Variants in RASGRF1 observed in about 807,000 individuals in gnomAD.
RASGRF1 encodes Ras protein specific guanine nucleotide releasing factor 1.
RASGRF1 carries 40 observed loss-of-function variants against 138.7 expected under a neutral mutation model. That is an observed-to-expected ratio of 0.29 (90% CI 0.22 to 0.38). RASGRF1 has a LOEUF of 0.38. Among genes scored for constraint, RASGRF1 ranks in the 10% least tolerant of loss-of-function variants. The probability of loss-of-function intolerance (pLI) is 1.00; values close to 1 mark genes in which losing one functional copy is unlikely to be tolerated. For synonymous variants in RASGRF1, 614 were observed against 663.2 expected (o/e 0.93, Z 1.14); for missense variants, 1,108 against 1,650.4 (o/e 0.67, Z 5.69).
Position 78,995,723 on chromosome 15 carries a change from G to A in RASGRF1, c.3027+17C>T. 6.2e-7 allele frequency: 1 copy of A among 1,614,102 alleles called. No individual in the cohort carries two copies. The highest frequency in any genetic ancestry group is 8.5e-7 in the Non-Finnish European group (1 of 1,179,980). On this transcript the variant is annotated intron_variant, in intron 20 of 26. Coordinates refer to ENST00000558480, the MANE Select transcript of RASGRF1 (RefSeq NM_001145648.3). ...GGGAGGAAAGCCTTGGAAAGCAAGA[G>A]GGCAGGCCCAGCTCACCATCTGCGT...
At chr15:79,016,992 T>A (rs1301078621) in intron 12 of RASGRF1, among the ~76,000 whole-genome samples, 1 of 152,162 alleles carries the variant, frequency 6.6e-6, no homozygotes, top group East Asian at 1.9e-4. Flanking sequence ...TGGCCAAGGC[T>A]CCCAGCTGCT....
Position 79,064,439 on chromosome 15 carries a change from C to T in RASGRF1, c.364G>A (p.Ala122Thr), listed in dbSNP as rs997058531. Reference protein sequence around the residue: ...EDAKDCDEWVAAIAHASYRTL... With the variant: ...EDAKDCDEWVTAIAHASYRTL... ...ACATACCTGGCATGTGCAATGGCTG[C>T]CACCCATTCGTCACAATCTTTTGCG... The change falls in exon 2 of 27, where the codon GCA becomes ACA. Residue 122 changes from alanine to threonine, a missense_variant. This residue lies in a region of RASGRF1 where 253 missense variants were observed against 329.5 expected (regional missense o/e 0.77). Transcript: ENST00000558480. 6.2e-6 allele frequency: 10 copies of T among 1,613,956 alleles called. No individual in the cohort carries two copies. The highest frequency in any genetic ancestry group is 3.3e-5 in the Admixed American group (2 of 60,012).
chr15:79,010,077 C>T lies in RASGRF1; in HGVS notation c.1827-3643G>A, dbSNP rs150668899. ...TGAGACAGAGTCTCACCCACTCTGTCGCCCAGTCTGGAGGGCAGTGGCGCA... is the reference window on the plus strand; with the variant it reads ...TGAGACAGAGTCTCACCCACTCTGTTGCCCAGTCTGGAGGGCAGTGGCGCA... On this transcript the variant is annotated intron_variant, in intron 13 of 26. Transcript: ENST00000558480. Among the ~76,000 whole-genome samples the T allele has an allele frequency of 2.7e-3, 398 of 147,116 alleles. 3 individuals carry two copies. Among genetic ancestry groups the T allele is most frequent in the African/African-American group, 9.6e-3 (381 of 39,870 alleles).
rs570077433 is a variant in RASGRF1 at position 79,003,968 on chromosome 15, G to A, written c.2283C>T (p.Cys761=). The A allele has an allele frequency of 1.3e-4, 203 of 1,614,204 alleles. 3 individuals are homozygous for A. In the South Asian group the frequency reaches 2.1e-3, roughly 17 times the overall value. Residue 761 remains cysteine, a synonymous_variant, in exon 15 of 27, where the codon TGC becomes TGT. Coordinates refer to ENST00000558480, the MANE Select transcript of RASGRF1 (RefSeq NM_001145648.3). ...ACATGCTGGTGTAGCCATTGGAGTTGCAGCTGAGGGCGGCCAGGTCCAGGG... is the reference window on the plus strand; with the variant it reads ...ACATGCTGGTGTAGCCATTGGAGTTACAGCTGAGGGCGGCCAGGTCCAGGG... ...GKALDLAALS[C]NSNGYTSMYS...
chr15:79,007,693 A>C (rs1420636965), intron 13 of RASGRF1, among the ~76,000 whole-genome samples: 1 of 151,700 alleles, frequency 6.6e-6, no homozygotes, highest in Non-Finnish European at 1.5e-5. Context: ...CTGGGATTAC[A>C]GGTACATGCC....
At chr15:79,037,408 AC>A (rs1324708433) in intron 5 of RASGRF1, among the ~76,000 whole-genome samples, 1 of 152,018 alleles carries the variant, frequency 6.6e-6, no homozygotes, top group African/African-American at 2.4e-5. Flanking sequence ...TGGTTTCAGG[AC>A]GATTCAAGTG....
rs140481329 is a variant in RASGRF1, at chr15:79,012,579, G to T, written c.1826+2748C>A. 8.0e-5 allele frequency: 129 copies of T among 1,611,750 alleles called. No homozygotes were observed. The African/African-American group carries it at 1.6e-3, about 20-fold the overall frequency. The stretch of plus-strand genomic sequence containing the variant: ...GGTAAGCAGATGGGTCCTTGAAGTT[G>T]TAAGTTTAATCTGGACATTCCATTC... On this transcript the variant is annotated intron_variant, in intron 13 of 26. Transcript: ENST00000558480.
chr15:79,065,089 T>C (rs1434159085), intron 1 of RASGRF1, among the ~76,000 whole-genome samples: 1 of 152,124 alleles, frequency 6.6e-6, no homozygotes, highest in Non-Finnish European at 1.5e-5. Flanking sequence ...AGCCAGACAA[T>C]AGACACCCAT....
rs537781684 is a variant in RASGRF1, at chr15:79,027,920, G to C, written c.1263-61C>G. On this transcript the variant is annotated intron_variant, in intron 8 of 26. Coordinates refer to ENST00000558480, the MANE Select transcript of RASGRF1 (RefSeq NM_001145648.3). This position sits in a 1 kb window ranked among gnomAD's most constrained non-coding sequence, Gnocchi z 4.8. ...CTGCCCCTACTTCCCAGGGAGGCGA[G>C]AATGCCAGGCTTCTGGCCAGACCTA... 3.9e-6 allele frequency: 6 copies of C among 1,546,050 alleles called. No homozygotes were observed. The highest frequency in any genetic ancestry group is 5.4e-6 in the Non-Finnish European group (6 of 1,120,208).
chr15:78,992,398 C>T (rs1392139140), intron 20 of RASGRF1, among the ~76,000 whole-genome samples: 3 of 152,196 alleles, frequency 2.0e-5, no homozygotes, highest in Non-Finnish European at 4.4e-5. Context: ...TATTTGGGCC[C>T]TTCGACCAGA....
intron 1 of RASGRF1, among the ~76,000 whole-genome samples, chr15:79,083,329 C>T (rs1366309684): frequency 6.6e-6 from 1 of 152,230 alleles, no homozygotes; most frequent in Non-Finnish European, 1.5e-5. Flanking sequence ...TGTTCTGGAC[C>T]TCTCTCAAGT....
In RASGRF1 at chr15:78,999,790, C is replaced by T; in HGVS notation, c.2699G>A (p.Gly900Asp). The change falls in exon 17 of 27, where the codon GGC becomes GAC. Residue 900 changes from glycine to aspartate, a missense_variant. This residue lies in a region of RASGRF1 where 686 missense variants were observed against 976.7 expected (regional missense o/e 0.70). Transcript: ENST00000558480. The stretch of plus-strand genomic sequence containing the variant: ...CCGGTACTTCTCCTTGTTTGGGGTG[C>T]CCTCGTTGGCCCCGGCGGTTGCTAT... ...FAIATAGANEGTPNKEKYRRM... is the reference protein window; with the variant it reads ...FAIATAGANEDTPNKEKYRRM... 6.2e-7 allele frequency: 1 copy of T among 1,614,156 alleles called. No homozygotes were observed. The highest frequency in any genetic ancestry group is 2.2e-5 in the East Asian group (1 of 44,876).
chr15:79,062,184 G>A (rs957909201), intron 2 of RASGRF1, among the ~76,000 whole-genome samples: 3 of 152,132 alleles, frequency 2.0e-5, no homozygotes, highest in Non-Finnish European at 4.4e-5. Flanking sequence ...TTATCAGCAC[G>A]TAAAAGTTAG....
Position 79,090,263 on chromosome 15 carries a change from G to A in RASGRF1, c.236C>T (p.Pro79Leu), listed in dbSNP as rs1016058636. ...CTCCTTGGCCGACAGCGCCGGCTTG[G>A]GGGAGGGCGCGCGGTCGCAGACGCA... ...EGCVCDRAPS[P>L]KPALSAKEPL... is the part of the protein sequence containing the mutation. The change falls in exon 1 of 27, where the codon CCC (proline) becomes CTC (leucine). Residue 79 changes from proline to leucine, a missense_variant. Pro to Leu is a moderately conservative substitution (Grantham distance 98, BLOSUM62 -3). Around this residue, in one of 3 missense-constraint regions of RASGRF1, gnomAD observed 253 missense variants for 329.5 expected, o/e 0.77. Coordinates refer to ENST00000558480, the MANE Select transcript of RASGRF1 (RefSeq NM_001145648.3). 1 of 1,610,866 alleles carries A rather than the reference G, an allele frequency of 6.2e-7. No homozygotes were observed. Among genetic ancestry groups the A allele is most frequent in the African/African-American group, 1.3e-5 (1 of 74,898 alleles).
rs2056817564 is a variant in RASGRF1 at position 79,012,595 on chromosome 15, C to A, written c.1826+2732G>T. 1.9e-6 allele frequency: 3 copies of A among 1,596,574 alleles called. No homozygotes were observed. The African/African-American group carries it at 4.0e-5, about 22-fold the overall frequency. On this transcript the variant is annotated intron_variant, in intron 13 of 26. Coordinates refer to ENST00000558480, the MANE Select transcript of RASGRF1 (RefSeq NM_001145648.3). ...CTTGAAGTTGTAAGTTTAATCTGGA[C>A]ATTCCATTCACTTTATCACCATCAT...
chr15:79,042,933 C>T (rs1021797523), intron 5 of RASGRF1, among the ~76,000 whole-genome samples: 1 of 152,204 alleles, frequency 6.6e-6, no homozygotes, highest in African/African-American at 2.4e-5. Context: ...GAGAGTGAAG[C>T]TTGTGCTGTC....
At chr15:79,005,012 C>T in intron 14 of RASGRF1, 1 of 985,538 alleles carries the variant, frequency 1.0e-6, no homozygotes, top group Non-Finnish European at 1.2e-6. Flanking sequence ...GGCACTGCTG[C>T]TGGGAAAGGA....
chr15:79,001,808 A>G, intron 15 of RASGRF1, 21 bp from the exon 16 acceptor site: 2 of 1,388,040 alleles, frequency 1.4e-6, no homozygotes, highest in South Asian at 1.8e-5. Flanking sequence ...AGAAATAAAT[A>G]ATTTTACTTT....
intron 13 of RASGRF1, chr15:79,012,614 CCAT>C (rs2056817819): frequency 5.8e-6 from 9 of 1,540,554 alleles, no homozygotes; most frequent in Middle Eastern, 3.4e-4. Flanking sequence ...CACTTTATCA[CCAT>C]CATTATTCAA....
Sources: gnomAD v4.1 joint callset for allele counts (sites outside exome capture counted in the v4.1 genomes callset) on GRCh38, gnomAD v4.1.1 for gene constraint, gnomAD v4.1.1 regional missense constraint, Gnocchi (gnomAD v3.1) non-coding constraint, MANE v1.5 for transcripts, NCBI Gene and HGNC (gene_info 2026-07-23, HGNC 2026-07-21) for gene names.